Variants in FGR observed in about 807,000 individuals in gnomAD.
FGR encodes the protein tyrosine-protein kinase Fgr.
FGR carries 26 observed loss-of-function variants against 63.2 expected under a neutral mutation model. That is an observed-to-expected ratio of 0.41 (90% CI 0.30 to 0.57). FGR has a LOEUF of 0.57. Among genes scored for constraint, FGR ranks in the 20% least tolerant of loss-of-function variants. FGR has a pLI of 0.27. For synonymous variants in FGR, 286 were observed against 277.7 expected, an observed-to-expected ratio of 1.03 and a Z score of -0.30; for missense variants, 511 against 690.8, an observed-to-expected ratio of 0.74 and a Z score of 2.92.
intron 5 of FGR, among the ~76,000 whole-genome samples, chr1:27,619,434 G>T (rs1004916885): frequency 6.6e-6 from 1 of 152,036 alleles, no homozygotes; most frequent in African/African-American, 2.4e-5. Flanking sequence ...CATGTGATCC[G>T]CCCGCCTCGG....
chr1:27,633,099 T>G (rs985370554), intron 1 of FGR, among the ~76,000 whole-genome samples: 1 of 152,010 alleles, frequency 6.6e-6, no homozygotes, highest in African/African-American at 2.4e-5. Flanking sequence ...GAGGAGGGTG[T>G]GAGAGCACCT....
intron 5 of FGR, among the ~76,000 whole-genome samples, chr1:27,618,355 G>C (rs1302825503): frequency 6.6e-6 from 1 of 152,102 alleles, no homozygotes; most frequent in Non-Finnish European, 1.5e-5. Flanking sequence ...CTTAATACAC[G>C]TATGTATTCA....
In FGR at chr1:27,616,488, C is replaced by A. The variant is rs1027258831; in HGVS notation, c.682+369G>T. On this transcript the variant is annotated intron_variant, in intron 7 of 12. Coordinates refer to ENST00000374005, the MANE Select transcript of FGR (RefSeq NM_005248.3). This position sits in a 1 kb window ranked among gnomAD's most constrained non-coding sequence, Gnocchi z 4.3. The stretch of plus-strand genomic sequence containing the variant: ...GCCAGAGTTTCTCACAAAAGTGAGA[C>A]CAGCCTCTGTCACCCCCTGCTCAGG... 2.0e-5 allele frequency among the ~76,000 whole-genome samples: 3 copies of A among 152,350 alleles called. No individual in the cohort carries two copies. The highest frequency in any genetic ancestry group is 6.5e-5 in the Admixed American group (1 of 15,308).
chr1:27,620,788 G>T (rs2089905618), intron 5 of FGR, among the ~76,000 whole-genome samples: 1 of 150,348 alleles, frequency 6.7e-6, no homozygotes, highest in Non-Finnish European at 1.5e-5. Context: ...AACTTTGGGA[G>T]GCCAAGATGG....
rs2089783834 is a variant in FGR, at chr1:27,615,291, C to T, written c.1018+143G>A. 4.1e-6 allele frequency: 4 copies of T among 982,770 alleles called. No homozygotes were observed. The highest frequency in any genetic ancestry group is 3.1e-5 in the South Asian group (2 of 65,202). The allele number at this position is 982,770 out of a possible 1,614,324, so 60.9% of individuals were successfully genotyped here. On this transcript the variant is annotated intron_variant, in intron 9 of 12. Transcript: ENST00000374005. This position sits in a 1 kb window ranked among gnomAD's most constrained non-coding sequence, Gnocchi z 7.6. ...CGGCCCGGCTCCCACCTCAGCCCTC[C>T]AGTCGTTTTACACACCTGGTCCCTT...
Position 27,612,822 on chromosome 1 carries a change from G to T in FGR, c.*92C>A. ...CTCGGTGATGCTAGGACTCTATGGG[G>T]TTCTAAGCCAGCCTGGGGGCTTTGG... On this transcript the variant is annotated 3_prime_UTR_variant, in exon 13 of 13. Transcript: ENST00000374005. 7.9e-7 allele frequency: 1 copy of T among 1,271,564 alleles called. No individual in the cohort carries two copies. Among genetic ancestry groups the T allele is most frequent in the Non-Finnish European group, 1.1e-6 (1 of 906,760 alleles). The allele number at this position is 1,271,564 out of a possible 1,614,324, so 78.8% of individuals were successfully genotyped here.
In FGR at chr1:27,612,252, T is replaced by C. The variant is rs775506345; in HGVS notation, c.*662A>G. On this transcript the variant is annotated 3_prime_UTR_variant, in exon 13 of 13. Transcript: ENST00000374005. ...GCCATATCTGTCCGTTCACCCCCTA[T>C]TGACCACCCCCGCTCCCAAAGGAAG... is the stretch of plus-strand genomic sequence containing the variant. The C allele has an allele frequency of 6.6e-5, 10 of 152,300 alleles. No homozygotes were observed. The highest frequency in any genetic ancestry group is 1.2e-4 in the Non-Finnish European group (8 of 68,138). 9.4% of individuals were successfully genotyped at this position (152,300 alleles called of 1,614,324 possible).
At chr1:27,614,990 G>A (rs1186782333) in intron 9 of FGR, 64 bp from the exon 10 acceptor site, 2 of 1,326,692 alleles carry the variant, frequency 1.5e-6, no homozygotes, top group Non-Finnish European at 1.1e-6. Flanking sequence ...TCCTCCTCTC[G>A]CTTGACCCCG....
chr1:27,633,521 G>T (rs1157459594), intron 1 of FGR, among the ~76,000 whole-genome samples: 4 of 152,208 alleles, frequency 2.6e-5, no homozygotes, highest in African/African-American at 4.8e-5. Context: ...CTGGTCCCTG[G>T]AGGCCCTGTC....
At position 27,623,726 on chromosome 1, in the gene FGR, C is replaced by T. The variant is rs1392397173; in HGVS notation, c.191G>A (p.Gly64Asp). ...SNFSSQAINP[G>D]FLDSGTIRGV... is the part of the protein sequence containing the mutation. ...CCTGATGGTGCCACTATCAAGGAAG[C>T]CAGGGTTGATGGCCTGAGAGGAGAA... Residue 64 changes from glycine to aspartate, a missense_variant, in exon 3 of 13, where the codon GGC becomes GAC. Physicochemically the swap from Gly to Asp is moderately conservative, Grantham distance 94. Transcript: ENST00000374005. 7 of 1,614,174 alleles carry T rather than the reference C, an allele frequency of 4.3e-6. No individual in the cohort carries two copies. Among genetic ancestry groups the T allele is most frequent in the Non-Finnish European group, 5.9e-6 (7 of 1,180,034 alleles).
rs1329093007 is a variant in FGR, at chr1:27,616,463, G to A, written c.682+394C>T. Among the ~76,000 whole-genome samples the A allele has an allele frequency of 6.6e-6, 1 of 152,224 alleles. No homozygotes were observed. Among genetic ancestry groups the A allele is most frequent in the Non-Finnish European group, 1.5e-5 (1 of 68,038 alleles). On this transcript the variant is annotated intron_variant, in intron 7 of 12. Transcript: ENST00000374005. The surrounding 1 kb of genome is among the most constrained non-coding windows in gnomAD (Gnocchi z 4.3). ...CCCTGGCATCCAAGCTCCACCAGCA[G>A]CCAGAGTTTCTCACAAAAGTGAGAC...
At chr1:27,631,139 AAGGGATTCAAAGTC>A (rs1307132277) in intron 1 of FGR, among the ~76,000 whole-genome samples, 2 of 152,320 alleles carry the variant, frequency 1.3e-5, no homozygotes, top group East Asian at 3.9e-4. Context: ...ACAGCCAGAC[AAGGGATTCAAAGTC>A]AGGACTATTA....
intron 4 of FGR, 94 bp from the exon 5 acceptor site, chr1:27,621,751 C>T (rs2089931439): frequency 9.4e-6 from 8 of 855,194 alleles, no homozygotes; most frequent in Non-Finnish European, 1.4e-5. Context: ...AGAGATGAAT[C>T]CTGCCAAACC....
At chr1:27,620,735 G>T (rs17362027) in intron 5 of FGR, among the ~76,000 whole-genome samples, 2,324 of 150,568 alleles carry the variant, frequency 0.015, 33 homozygotes, top group South Asian at 0.046. Context: ...ATAAATTCCT[G>T]CCTCTTGGGC....
chr1:27,612,874 A>T lies in FGR; in HGVS notation c.*40T>A. 1 of 1,573,466 alleles carries T rather than the reference A, an allele frequency of 6.4e-7. No individual in the cohort carries two copies. Among genetic ancestry groups the T allele is most frequent in the Non-Finnish European group, 8.7e-7 (1 of 1,150,578 alleles). On this transcript the variant is annotated 3_prime_UTR_variant, in exon 13 of 13. Transcript: ENST00000374005. ...AGAACAGCTCTGGGGATTGGCAAGG[A>T]CTGGTGGCCACCGCCAGAGAGGGTT...
chr1:27,626,979 C>T (rs1028306049), intron 1 of FGR, among the ~76,000 whole-genome samples: 2 of 151,738 alleles, frequency 1.3e-5, no homozygotes, highest in African/African-American at 4.9e-5. Flanking sequence ...CCAGCCTGAG[C>T]AACATAGGGA....
Position 27,623,848 on chromosome 1 carries a change from C to A in FGR, c.69G>T (p.Gly23=). ...CTGCTGCCCCGTAGCTTCTGAAGTC[C>A]CCTTCCAGGCCAGCATCCTCCTTGG... ...ATAKEDAGLE[G]DFRSYGAADH... The change falls in exon 3 of 13, where the codon GGG becomes GGT. Residue 23 remains glycine, a synonymous_variant. Transcript: ENST00000374005. 6.2e-7 allele frequency: 1 copy of A among 1,613,322 alleles called. No homozygotes were observed. The highest frequency in any genetic ancestry group is 8.5e-7 in the Non-Finnish European group (1 of 1,179,338).
At chr1:27,614,352 G>A in intron 11 of FGR, 78 bp downstream of exon 11, 2 of 1,485,706 alleles carry the variant, frequency 1.3e-6, no homozygotes, top group East Asian at 4.7e-5. Context: ...AGTGAGGAAG[G>A]GTTCCTGAGT....
chr1:27,620,146 G>T (rs1415355519), intron 5 of FGR, among the ~76,000 whole-genome samples: 1 of 151,846 alleles, frequency 6.6e-6, no homozygotes, highest in Non-Finnish European at 1.5e-5. Flanking sequence ...GTGAAACCCC[G>T]TCTCTACTAA....
Sources: allele counts gnomAD v4.1 joint callset (sites outside exome capture counted in the v4.1 genomes callset), GRCh38; gene constraint gnomAD v4.1.1; non-coding constraint Gnocchi (gnomAD v3.1); transcripts MANE v1.5; gene names NCBI Gene and HGNC (gene_info 2026-07-23, HGNC 2026-07-21).